Variants in SEPTIN10 observed in about 807,000 individuals in gnomAD.
SEPTIN10 encodes septin 10, also known as septin-10.
Under a neutral mutation model 54.8 loss-of-function variants are expected in SEPTIN10, and 66 were observed. That is an observed-to-expected ratio of 1.21 (90% CI 0.99 to 1.48). The LOEUF (loss-of-function observed/expected upper bound fraction) is 1.48, where lower values mean the gene tolerates loss of function less well. Among genes scored for constraint, SEPTIN10 ranks in the 40% most tolerant of loss-of-function variants. The pLI, the probability that SEPTIN10 is intolerant of heterozygous loss-of-function variation, is 0.00. For synonymous variants in SEPTIN10, 161 were observed against 181.0 expected, an observed-to-expected ratio of 0.89 and a Z score of 0.89; for missense variants, 620 against 545.6, an observed-to-expected ratio of 1.14 and a Z score of -1.36.
chr2:109,564,442 G>T lies in SEPTIN10; in HGVS notation c.952C>A (p.His318Asn), dbSNP rs759228175. ...TTGCAGCGCCTGTAAAGCTCATAGT[G>T]CCTGGTATGGGTCTGCTCTCGCAGG... ...EDLREQTHTR[H>N]YELYRRCKLE... Residue 318 changes from histidine (H) to asparagine (N), a missense_variant, in exon 8 of 11, where the codon CAC becomes AAC. His to Asn is a moderately conservative substitution (Grantham distance 68). Coordinates refer to ENST00000397712, the MANE Select transcript of SEPTIN10 (RefSeq NM_144710.5). The T allele has an allele frequency of 4.4e-6, 7 of 1,598,862 alleles. No homozygotes were observed. The highest frequency in any genetic ancestry group is 6.0e-6 in the Non-Finnish European group (7 of 1,170,604).
intron 2 of SEPTIN10, among the ~76,000 whole-genome samples, chr2:109,592,423 C>G (rs1179829963): frequency 2.0e-5 from 3 of 151,576 alleles, no homozygotes; most frequent in Non-Finnish European, 4.4e-5. Context: ...TGAGATTGCA[C>G]CATCGCATTC....
At chr2:109,568,037 G>GT (rs1687487781) in intron 5 of SEPTIN10, 61 bp from the exon 6 acceptor site, 4 of 1,288,128 alleles carry the variant, frequency 3.1e-6, no homozygotes, top group Non-Finnish European at 4.3e-6. Context: ...TCCTGCAGCT[G>GT]TTTTTTCACT....
intron 1 of SEPTIN10, among the ~76,000 whole-genome samples, chr2:109,607,422 T>C (rs180815178): frequency 2.6e-5 from 4 of 152,208 alleles, no homozygotes; most frequent in Middle Eastern, 3.4e-3. Flanking sequence ...GCATTCTCAA[T>C]GGGGGCAGTA....
intron 5 of SEPTIN10, among the ~76,000 whole-genome samples, chr2:109,572,773 T>C (rs1259816646): frequency 6.6e-6 from 1 of 151,942 alleles, no homozygotes; most frequent in Non-Finnish European, 1.5e-5. Context: ...TGTGCCATCA[T>C]GCCTGGCTAA....
chr2:109,589,721 A>G (rs924645898), intron 2 of SEPTIN10, among the ~76,000 whole-genome samples: 2 of 149,924 alleles, frequency 1.3e-5, no homozygotes, highest in South Asian at 4.2e-4. Context: ...AGTTAAACAC[A>G]TATTATTATA....
chr2:109,544,117 T>C lies in SEPTIN10; in HGVS notation c.*192A>G, dbSNP rs745817496. 4.6e-6 allele frequency: 7 copies of C among 1,512,890 alleles called. No homozygotes were observed. The South Asian group carries it at 8.6e-5, about 18-fold the overall frequency. 93.7% of individuals were successfully genotyped at this position (1,512,890 alleles called of 1,614,324 possible). A position where few individuals can be genotyped will look rare whatever the true frequency, so the allele number is the denominator to read the frequency against. On this transcript the variant is annotated 3_prime_UTR_variant, in exon 11 of 11. Transcript: ENST00000397712. Reference sequence around the variant, plus strand: ...TTTTGAATTAGAGATGCTCAACTTGTAGTATCATTCACTCTGGCTTATGTA... The same window carrying C: ...TTTTGAATTAGAGATGCTCAACTTGCAGTATCATTCACTCTGGCTTATGTA...
chr2:109,589,909 C>T (rs956258652), intron 2 of SEPTIN10, among the ~76,000 whole-genome samples: 1 of 151,894 alleles, frequency 6.6e-6, no homozygotes, highest in African/African-American at 2.4e-5. Flanking sequence ...ACTACTGATA[C>T]GTGTCACAAC....
intron 1 of SEPTIN10, among the ~76,000 whole-genome samples, chr2:109,603,871 A>G (rs971216596): frequency 1.3e-5 from 2 of 152,154 alleles, no homozygotes; most frequent in African/African-American, 4.8e-5. Context: ...GTCTCTAATT[A>G]AAATTTTAAG....
chr2:109,545,620 A>G, intron 10 of SEPTIN10: 1 of 1,528,546 alleles, frequency 6.5e-7, no homozygotes, highest in Non-Finnish European at 8.7e-7. Flanking sequence ...AATTAATTCA[A>G]TAAAATACTA....
chr2:109,544,682 A>G lies in SEPTIN10; in HGVS notation c.1350-358T>C, dbSNP rs932209413. On this transcript the variant is annotated intron_variant, in intron 10 of 10. Transcript: ENST00000397712. ...AAAAGGTATTAATAAAAGATCCATT[A>G]GCTTTAAAATCCAAAGCATGTTGAA... The G allele has an allele frequency of 5.6e-6, 5 of 888,998 alleles. No individual in the cohort carries two copies. In the African/African-American group the frequency reaches 9.0e-5, roughly 16 times the overall value. The allele number at this position is 888,998 out of a possible 1,614,324, so 55.1% of individuals were successfully genotyped here.
chr2:109,583,577 T>C (rs1403677407), intron 4 of SEPTIN10, among the ~76,000 whole-genome samples: 1 of 152,208 alleles, frequency 6.6e-6, no homozygotes, highest in Non-Finnish European at 1.5e-5. Flanking sequence ...GAAAGCAGTT[T>C]GGAGATTTCT....
chr2:109,557,097 C>G (rs1350516455), intron 8 of SEPTIN10, among the ~76,000 whole-genome samples: 1 of 151,766 alleles, frequency 6.6e-6, no homozygotes, highest in Admixed American at 6.6e-5. Flanking sequence ...GTGCAGCACA[C>G]CAACATGGCA....
At chr2:109,550,007 T>G (rs574564043) in intron 9 of SEPTIN10, among the ~76,000 whole-genome samples, 273 of 152,204 alleles carry the variant, frequency 1.8e-3, no homozygotes, top group Non-Finnish European at 3.2e-3. Context: ...ACACGACACA[T>G]TCTCGTACTC....
At position 109,543,967 on chromosome 2, in the gene SEPTIN10, C is replaced by A. The variant is rs577132216; in HGVS notation, c.*342G>T. 20 of 586,588 alleles carry A rather than the reference C, an allele frequency of 3.4e-5. No homozygotes were observed. Among genetic ancestry groups the A allele is most frequent in the Non-Finnish European group, 5.9e-5 (20 of 341,360 alleles). The allele number at this position is 586,588 out of a possible 1,614,324, so 36.3% of individuals were successfully genotyped here. Reference sequence around the variant, plus strand: ...AAGTAATTTATACAAAAATTTTGTGCAAGAAACAAAATCTGTTTAAACTGA... The same window carrying A: ...AAGTAATTTATACAAAAATTTTGTGAAAGAAACAAAATCTGTTTAAACTGA... On this transcript the variant is annotated 3_prime_UTR_variant, in exon 11 of 11. Coordinates refer to ENST00000397712, the MANE Select transcript of SEPTIN10 (RefSeq NM_144710.5).
intron 10 of SEPTIN10, 187 bp downstream of exon 10, chr2:109,545,863 T>C (rs1681075116): frequency 1.4e-6 from 2 of 1,446,402 alleles, no homozygotes; most frequent in Non-Finnish European, 1.8e-6. Flanking sequence ...TGCCAGGTGC[T>C]GTTCTGGATG....
intron 9 of SEPTIN10, among the ~76,000 whole-genome samples, chr2:109,547,059 T>C (rs530312008): frequency 1.3e-5 from 2 of 152,132 alleles, no homozygotes; most frequent in Non-Finnish European, 2.9e-5. Context: ...TCCAGCCCCC[T>C]TCCCCAACCA....
intron 4 of SEPTIN10, among the ~76,000 whole-genome samples, chr2:109,578,625 G>A (rs775160883): frequency 1.1e-4 from 16 of 152,076 alleles, no homozygotes; most frequent in Non-Finnish European, 1.6e-4. Context: ...AAATTAGCTC[G>A]GAGTGCTGGT....
At chr2:109,568,774 T>C (rs1247691176) in intron 5 of SEPTIN10, among the ~76,000 whole-genome samples, 4 of 152,196 alleles carry the variant, frequency 2.6e-5, no homozygotes, top group African/African-American at 9.7e-5. Flanking sequence ...CTTCTCTTTG[T>C]GCCTCGTTTC....
At chr2:109,549,179 G>A (rs1353758044) in intron 9 of SEPTIN10, among the ~76,000 whole-genome samples, 2 of 152,178 alleles carry the variant, frequency 1.3e-5, no homozygotes, top group Non-Finnish European at 2.9e-5. Flanking sequence ...GCAGTTCTCT[G>A]CACACGTGTG....
Sources: allele counts gnomAD v4.1 joint callset (sites outside exome capture counted in the v4.1 genomes callset), GRCh38; gene constraint gnomAD v4.1.1; transcripts MANE v1.5; gene names NCBI Gene and HGNC (gene_info 2026-07-23, HGNC 2026-07-21).